CYYR1: variants seen among roughly 807,000 people sequenced by gnomAD.
The protein encoded by CYYR1 is cysteine and tyrosine-rich protein 1.
A neutral mutation model predicts 15.2 loss-of-function variants in CYYR1; 14 were observed. The observed-to-expected ratio is 0.92, with a 90% confidence interval of 0.61 to 1.44. The LOEUF (loss-of-function observed/expected upper bound fraction) is 1.44, where lower values mean the gene tolerates loss of function less well. Among genes scored for constraint, CYYR1 ranks in the 40% most tolerant of loss-of-function variants. The probability of loss-of-function intolerance (pLI) is 0.00; values close to 1 mark genes in which losing one functional copy is unlikely to be tolerated. For missense variants in CYYR1, 228 were observed against 209.5 expected (o/e 1.09, Z -0.54); for synonymous variants, 80 against 77.4 (o/e 1.03, Z -0.18).
intron 2 of CYYR1, among the ~76,000 whole-genome samples, chr21:26,528,014 G>A (rs1009680517): frequency 1.3e-5 from 2 of 152,170 alleles, no homozygotes; most frequent in Middle Eastern, 3.4e-3. Flanking sequence ...CACTTAAAAC[G>A]AGTAAAAATC....
intron 2 of CYYR1, among the ~76,000 whole-genome samples, chr21:26,526,426 C>T (rs371176992): frequency 2.6e-5 from 4 of 151,800 alleles, no homozygotes; most frequent in East Asian, 1.9e-4. Context: ...CCAGCCTGGG[C>T]GACAGAGCAA....
At chr21:26,529,688 A>G (rs142364446) in intron 2 of CYYR1, among the ~76,000 whole-genome samples, 161 of 152,318 alleles carry the variant, frequency 1.1e-3, no homozygotes, top group African/African-American at 3.8e-3. Context: ...CAAGAATGAT[A>G]TCATCAGTCT....
chr21:26,564,833 G>A (rs913006403), intron 2 of CYYR1: 5 of 1,221,016 alleles, frequency 4.1e-6, no homozygotes, highest in African/African-American at 1.5e-5. Flanking sequence ...CATCTGGTAT[G>A]TGGAGACAGT....
rs2064986153 is a variant in CYYR1 at position 26,467,768 on chromosome 21, A to G, written c.*733T>C. ...TTGGTCTTGTTTTAACTCCCTAATT[A>G]AATAAATAAGATCCAACTCTTTCTG... On this transcript the variant is annotated 3_prime_UTR_variant, in exon 4 of 4. Transcript: ENST00000652641. The G allele has an allele frequency of 6.6e-6, 1 of 152,218 alleles. No homozygotes were observed. The highest frequency in any genetic ancestry group is 1.5e-5 in the Non-Finnish European group (1 of 68,078). The allele number at this position is 152,218 out of a possible 1,614,324, so 9.4% of individuals were successfully genotyped here.
chr21:26,536,093 G>A (rs113574265), intron 2 of CYYR1, among the ~76,000 whole-genome samples: 3,770 of 152,206 alleles, frequency 0.025, 56 homozygotes, highest in African/African-American at 0.039. Context: ...TTCACATGGC[G>A]GCAGGAGAGA....
chr21:26,497,812 A>G lies in CYYR1; in HGVS notation c.177-17383T>C, dbSNP rs142808893. On this transcript the variant is annotated intron_variant, in intron 2 of 3. Coordinates refer to ENST00000652641, the MANE Select transcript of CYYR1 (RefSeq NM_001320768.2). ...AAGCCCCTCTGTTATGTTGCAAAAT[A>G]CCTACAGAATGCACATTCTTTTCTA... is the stretch of plus-strand genomic sequence containing the variant. Among the ~76,000 whole-genome samples the G allele has an allele frequency of 2.8e-3, 430 of 152,272 alleles. 2 individuals carry two copies. The highest frequency in any genetic ancestry group is 5.0e-3 in the Non-Finnish European group (341 of 68,004).
At chr21:26,566,436 A>G (rs1354701466) in intron 1 of CYYR1, 68 bp from the exon 2 acceptor site, 2 of 1,253,432 alleles carry the variant, frequency 1.6e-6, no homozygotes, top group Admixed American at 3.7e-5. Context: ...AAATTATTCT[A>G]TTTCACAACT....
Position 26,532,125 on chromosome 21 carries a change from AAG to A in CYYR1, c.176+34139_176+34140del, listed in dbSNP as rs144909798. On this transcript the variant is annotated intron_variant, in intron 2 of 3. Transcript: ENST00000652641. Reference sequence around the variant, plus strand: ...AAATATATCTTCAGAGTTCATTAGTAAGCTGGAAGAGGTGAATATCAAAGACA... The same window carrying A: ...AAATATATCTTCAGAGTTCATTAGTACTGGAAGAGGTGAATATCAAAGACA... 9.1e-4 allele frequency among the ~76,000 whole-genome samples: 139 copies of A among 152,322 alleles called. 2 individuals are homozygous for A. In the East Asian group the frequency reaches 0.026, roughly 28 times the overall value.
At chr21:26,570,690 T>C (rs1980953792) in intron 1 of CYYR1, among the ~76,000 whole-genome samples, 1 of 152,250 alleles carries the variant, frequency 6.6e-6, no homozygotes, top group Non-Finnish European at 1.5e-5. Context: ...TCTACTTAGA[T>C]TTTTGTCCCA....
At chr21:26,517,183 T>C (rs1162100614) in intron 2 of CYYR1, among the ~76,000 whole-genome samples, 7 of 141,274 alleles carry the variant, frequency 5.0e-5, no homozygotes, top group Non-Finnish European at 1.1e-4. Context: ...TAATTTTGAC[T>C]ATAATCAAGG....
chr21:26,483,951 T>C (rs1439227229), intron 2 of CYYR1, among the ~76,000 whole-genome samples: 1 of 152,064 alleles, frequency 6.6e-6, no homozygotes, highest in African/African-American at 2.4e-5. Flanking sequence ...ATCTGTTGGG[T>C]AAATAGGTCC....
intron 2 of CYYR1, among the ~76,000 whole-genome samples, chr21:26,488,993 C>T (rs997697659): frequency 2.6e-5 from 4 of 152,238 alleles, no homozygotes; most frequent in East Asian, 1.9e-4. Flanking sequence ...TTACCTAATA[C>T]AATTCCTTTG....
At chr21:26,501,913 G>C (rs1404026738) in intron 2 of CYYR1, among the ~76,000 whole-genome samples, 1 of 152,108 alleles carries the variant, frequency 6.6e-6, no homozygotes. Context: ...AATGAATGTG[G>C]ATAAACACAT....
intron 2 of CYYR1, among the ~76,000 whole-genome samples, chr21:26,545,854 A>C (rs1978939579): frequency 6.6e-6 from 1 of 151,386 alleles, no homozygotes; most frequent in South Asian, 2.1e-4. Flanking sequence ...AAGTGCTGAG[A>C]TTACAGTTTA....
At chr21:26,525,022 C>T (rs997228048) in intron 2 of CYYR1, among the ~76,000 whole-genome samples, 5 of 152,172 alleles carry the variant, frequency 3.3e-5, no homozygotes, top group Non-Finnish European at 5.9e-5. Context: ...ACATTCCCTC[C>T]GTCATCCCCT....
intron 2 of CYYR1, among the ~76,000 whole-genome samples, chr21:26,544,864 A>G (rs550669977): frequency 2.0e-5 from 3 of 152,104 alleles, no homozygotes; most frequent in Admixed American, 1.3e-4. Flanking sequence ...GGTGGATCCT[A>G]GGAGTTCCAG....
intron 2 of CYYR1, among the ~76,000 whole-genome samples, chr21:26,517,808 G>T (rs1031343447): frequency 6.6e-6 from 1 of 152,048 alleles, no homozygotes; most frequent in Admixed American, 6.6e-5. Flanking sequence ...CTCCCACCTC[G>T]GCTTCCCAAA....
At chr21:26,471,947 A>G (rs773701412) in intron 3 of CYYR1, among the ~76,000 whole-genome samples, 6 of 152,170 alleles carry the variant, frequency 3.9e-5, no homozygotes, top group Non-Finnish European at 5.9e-5. Context: ...AAGAAATGTA[A>G]TGTTTTCTAC....
chr21:26,525,934 G>A (rs139208706), intron 2 of CYYR1, among the ~76,000 whole-genome samples: 96 of 152,222 alleles, frequency 6.3e-4, no homozygotes, highest in African/African-American at 2.0e-3. Flanking sequence ...ACCAAATACC[G>A]CATGTTCTCA....
Sources: gnomAD v4.1 joint callset for allele counts (sites outside exome capture counted in the v4.1 genomes callset) on GRCh38, gnomAD v4.1.1 for gene constraint, MANE v1.5 for transcripts, NCBI Gene and HGNC (gene_info 2026-07-23, HGNC 2026-07-21) for gene names.